NES: variants seen among roughly 807,000 people sequenced by gnomAD.
NES encodes nestin.
Under a neutral mutation model 35.6 loss-of-function variants are expected in NES, and 27 were observed. The observed-to-expected ratio is 0.76, with a 90% CI of 0.56 to 1.04. The LOEUF is 1.04. Ranked by LOEUF, NES falls within the 50% of genes least tolerant of loss-of-function variation. The probability of loss-of-function intolerance (pLI) is 0.00; values close to 1 mark genes in which losing one functional copy is unlikely to be tolerated. For synonymous variants in NES, 822 were observed against 824.2 expected, an observed-to-expected ratio of 1.00 and a Z score of 0.04; for missense variants, 1,867 against 1,983.6, an observed-to-expected ratio of 0.94 and a Z score of 1.12.
rs1679728919 is a variant in NES, at chr1:156,671,411, C to T, written c.2777G>A (p.Gly926Glu). Residue 926 changes from glycine (G) to glutamate (E), a missense_variant, in exon 4 of 4, where the codon GGA becomes GAA. Coordinates refer to ENST00000368223, the MANE Select transcript of NES (RefSeq NM_006617.2). ...AGACCTCAGTGACTCTTGGTACTCT[C>T]CCTTTCCCAGGTTCTCTTCCTCTTC... Reference protein sequence around the residue: ...NLEEEENLGKGEYQESLRSLE... With the variant: ...NLEEEENLGKEEYQESLRSLE... The T allele has an allele frequency of 1.2e-6, 2 of 1,614,044 alleles. No homozygotes were observed. Among genetic ancestry groups the T allele is most frequent in the Non-Finnish European group, 1.7e-6 (2 of 1,180,042 alleles).
chr1:156,675,403 C>T lies in NES; in HGVS notation c.784-63G>A, dbSNP rs565579729. The T allele has an allele frequency of 1.5e-5, 23 of 1,520,942 alleles. No individual in the cohort carries two copies. In the African/African-American group the frequency reaches 2.8e-4, roughly 18 times the overall value. The allele number at this position is 1,520,942 out of a possible 1,614,324, so 94.2% of individuals were successfully genotyped here. On this transcript the variant is annotated intron_variant, in intron 1 of 3. Transcript: ENST00000368223. ...GGGTCCCTTCTGTGAACCAACCTGC[C>T]TCCTGCCCGCTGCCGCTGCCCGGGA...
rs1435634786 is a variant in NES at position 156,670,601 on chromosome 1, C to T, written c.3587G>A (p.Gly1196Glu). The T allele has an allele frequency of 1.9e-6, 3 of 1,613,674 alleles. No homozygotes were observed. In the African/African-American group the frequency reaches 4.0e-5, roughly 22 times the overall value. Residue 1196 changes from glycine to glutamate, a missense_variant, in exon 4 of 4, where the codon GGA becomes GAA. Transcript: ENST00000368223. ...AGGCCAAGGTGAAGGGGCATCACTT[C>T]CAGTGTGGCCCAGGGTCTCAGCAGG... is the stretch of plus-strand genomic sequence containing the variant. ...AFPAETLGHT[G>E]SDAPSPWPLG...
chr1:156,670,859 T>TCCGCC lies in NES; in HGVS notation c.3328_3329insGGCGG (p.Asp1110GlyfsTer7). ...CTCTTCCCTGGTCAGATGGCCTGGG[T>TCCGCC]CCCCCAGCCCTCCCACCCCCTGCCC... On this transcript the variant is annotated frameshift_variant, in exon 4 of 4. Coordinates refer to ENST00000368223, the MANE Select transcript of NES (RefSeq NM_006617.2). LOFTEE classifies it low-confidence loss of function (END_TRUNC). 1.1e-5 allele frequency: 18 copies of TCCGCC among 1,609,262 alleles called. No homozygotes were observed. Among genetic ancestry groups the TCCGCC allele is most frequent in the Non-Finnish European group, 1.4e-5 (16 of 1,176,870 alleles).
rs1647315232 is a variant in NES, at chr1:156,676,929, G to T, written c.336C>A (p.Asn112Lys). 1.3e-6 allele frequency: 2 copies of T among 1,552,366 alleles called. No individual in the cohort carries two copies. Among genetic ancestry groups the T allele is most frequent in the Non-Finnish European group, 1.7e-6 (2 of 1,157,968 alleles). The change falls in exon 1 of 4, where the codon AAC (asparagine) becomes AAA (lysine). Residue 112 changes from asparagine (N) to lysine (K), a missense_variant. By Grantham distance (94) the Asn-to-Lys change is moderately conservative. Coordinates refer to ENST00000368223, the MANE Select transcript of NES (RefSeq NM_006617.2). This position sits in a 1 kb window ranked among gnomAD's most constrained non-coding sequence, Gnocchi z 5.3. Reference sequence around the variant, plus strand: ...ATTTCTCTGCCTCGACGGCGCGCCGGTTGCGGGCTACCTCCTCCGTCGTCC... The same window carrying T: ...ATTTCTCTGCCTCGACGGCGCGCCGTTTGCGGGCTACCTCCTCCGTCGTCC... Reference protein sequence around the residue: ...RERTTEEVARNRRAVEAEKCA... With the variant: ...RERTTEEVARKRRAVEAEKCA...
rs201126519 is a variant in NES at position 156,670,818 on chromosome 1, G to C, written c.3370C>G (p.Leu1124Val). 699 of 1,612,868 alleles carry C rather than the reference G, an allele frequency of 4.3e-4. 1 individual carries two copies. The highest frequency in any genetic ancestry group is 5.5e-4 in the Non-Finnish European group (643 of 1,179,236). ...LTREEVMEPP[L>V]EEESLEAKRV... The stretch of plus-strand genomic sequence containing the variant: ...TTTGCCTCCAAACTCTCCTCTTCCA[G>C]GGGTGGTTCCATCACCTCTTCCCTG... Residue 1124 changes from leucine (L) to valine (V), a missense_variant, in exon 4 of 4, where the codon CTG becomes GTG. Coordinates refer to ENST00000368223, the MANE Select transcript of NES (RefSeq NM_006617.2).
At position 156,671,666 on chromosome 1, in the gene NES, T is replaced by A. The variant is rs751463811; in HGVS notation, c.2522A>T (p.Lys841Ile). Reference protein sequence around the residue: ...SAGQENLETLKSPETQAPLWT... With the variant: ...SAGQENLETLISPETQAPLWT... Reference sequence around the variant, plus strand: ...CAGTGGTGCTTGAGTTTCTGGAGATTTCAGTGTTTCCAGGTTCTCTTGTCC... The same window carrying A: ...CAGTGGTGCTTGAGTTTCTGGAGATATCAGTGTTTCCAGGTTCTCTTGTCC... Residue 841 changes from lysine (K) to isoleucine (I), a missense_variant, in exon 4 of 4, where the codon AAA becomes ATA. Coordinates refer to ENST00000368223, the MANE Select transcript of NES (RefSeq NM_006617.2). 3 of 1,613,554 alleles carry A rather than the reference T, an allele frequency of 1.9e-6. No individual in the cohort carries two copies. The highest frequency in any genetic ancestry group is 2.7e-5 in the African/African-American group (2 of 74,822).
chr1:156,669,020 T>A lies in NES; in HGVS notation c.*302A>T. On this transcript the variant is annotated 3_prime_UTR_variant, in exon 4 of 4. Transcript: ENST00000368223. ...CTCTGGGCCACAGGCCTTTTCCAGC[T>A]GACGGGATGCGGAGGGAAGGGGACC... 3.7e-6 allele frequency: 1 copy of A among 266,964 alleles called. No homozygotes were observed. The highest frequency in any genetic ancestry group is 7.1e-6 in the Non-Finnish European group (1 of 141,364). 16.5% of individuals were successfully genotyped at this position (266,964 alleles called of 1,614,324 possible).
Position 156,669,616 on chromosome 1 carries a change from C to T in NES, c.4572G>A (p.Glu1524=). 1 of 1,614,146 alleles carries T rather than the reference C, an allele frequency of 6.2e-7. No homozygotes were observed. Among genetic ancestry groups the T allele is most frequent in the East Asian group, 2.2e-5 (1 of 44,880 alleles). The change falls in exon 4 of 4, where the codon GAG becomes GAA. Residue 1524 remains glutamate, a synonymous_variant. Transcript: ENST00000368223. The part of the protein sequence containing the change: ...PGPLEIPSGM[E]DAGPGADIIG... ...TGATGTCTGCCCCTGGGCCTGCATC[C>T]TCCATCCCACTGGGGATCTCTAGAG...
In NES at chr1:156,672,514, C is replaced by T. The variant is rs898315790; in HGVS notation, c.1674G>A (p.Lys558=). 6.2e-6 allele frequency: 10 copies of T among 1,613,782 alleles called. No individual in the cohort carries two copies. Among genetic ancestry groups the T allele is most frequent in the Middle Eastern group, 1.7e-4 (1 of 6,060 alleles). ...TCTCATGGCTCTGGTTTTCCAGAGTCTTCAGTGACTCTTGAATCTCCTCTC... is the reference window on the plus strand; with the variant it reads ...TCTCATGGCTCTGGTTTTCCAGAGTTTTCAGTGACTCTTGAATCTCCTCTC... ...SLGEEIQESL[K]TLENQSHETL... The change falls in exon 4 of 4, where the codon AAG becomes AAA. Residue 558 remains lysine (K), a synonymous_variant. Transcript: ENST00000368223.
chr1:156,669,484 C>A lies in NES; in HGVS notation c.4704G>T (p.Pro1568=). The A allele has an allele frequency of 1.2e-6, 2 of 1,613,312 alleles. No individual in the cohort carries two copies. Among genetic ancestry groups the A allele is most frequent in the East Asian group, 2.2e-5 (1 of 44,830 alleles). The change falls in exon 4 of 4, where the codon CCG becomes CCT. Residue 1568 remains proline (P), a synonymous_variant. Coordinates refer to ENST00000368223, the MANE Select transcript of NES (RefSeq NM_006617.2). ...EQSEEVGQGM[P]LVSEGDRGSP... ...TCCCTCGGTCTCCCTCAGAGACTAG[C>A]GGCATTCCTTGCCCCACTTCCTCAG...
In NES at chr1:156,670,013, T is replaced by C. The variant is rs1342318388; in HGVS notation, c.4175A>G (p.Gln1392Arg). Residue 1392 changes from glutamine (Q) to arginine (R), a missense_variant, in exon 4 of 4, where the codon CAG (glutamine) becomes CGG (arginine). Physicochemically the swap from Gln to Arg is conservative, Grantham distance 43. Coordinates refer to ENST00000368223, the MANE Select transcript of NES (RefSeq NM_006617.2). ...VPGEVAEPLGQVPQLLLDPAA... is the reference protein window; with the variant it reads ...VPGEVAEPLGRVPQLLLDPAA... ...AGGATCCAGTAGCAGCTGGGGCACC[T>C]GGCCCAGAGGTTCTGCCACCTCCCC... The C allele has an allele frequency of 2.4e-5, 39 of 1,613,744 alleles. No individual in the cohort carries two copies. The highest frequency in any genetic ancestry group is 3.1e-5 in the Non-Finnish European group (36 of 1,179,984).
At chr1:156,674,918 T>G (rs1679810063) in intron 2 of NES, among the ~76,000 whole-genome samples, 1 of 152,216 alleles carries the variant, frequency 6.6e-6, no homozygotes, top group Non-Finnish European at 1.5e-5. Context: ...GGGAAGGGTC[T>G]GGATGCAGTT....
In NES at chr1:156,671,341, C is replaced by G; in HGVS notation, c.2847G>C (p.Gln949His). 6.2e-7 allele frequency: 1 copy of G among 1,614,154 alleles called. No homozygotes were observed. The highest frequency in any genetic ancestry group is 8.5e-7 in the Non-Finnish European group (1 of 1,180,042). ...GQELPQSADV[Q>H]RWEDTVEKDQ... ...CCTTCTCCACCGTATCTTCCCACCT[C>G]TGCACATCTGCAGACTGCGGCAGCT... Residue 949 changes from glutamine to histidine, a missense_variant, in exon 4 of 4, where the codon CAG becomes CAC. Coordinates refer to ENST00000368223, the MANE Select transcript of NES (RefSeq NM_006617.2).
Position 156,675,565 on chromosome 1 carries a change from A to C in NES, c.784-225T>G, listed in dbSNP as rs557215644. ...CTGTCAGCACTCTCAGCTCTCTCCC[A>C]TGGCCTGCTCCTCCTCTGAGGATGC... On this transcript the variant is annotated intron_variant, in intron 1 of 3. Transcript: ENST00000368223. Among the ~76,000 whole-genome samples, 322 of 152,140 alleles carry C rather than the reference A, an allele frequency of 2.1e-3. 1 individual carries two copies. The highest frequency in any genetic ancestry group is 3.2e-3 in the Non-Finnish European group (220 of 67,972).
Position 156,672,821 on chromosome 1 carries a change from G to A in NES, c.1367C>T (p.Thr456Ile), listed in dbSNP as rs1194651692. ...GGCATGGTCCTCTGGGGACTGGCCT[G>A]TACTGGCCTCTTGCCGCTGGCCCCC... ...EPGGQRQEAS[T>I]GQSPEDHASL... The change falls in exon 4 of 4, where the codon ACA becomes ATA. Residue 456 changes from threonine (T) to isoleucine (I), a missense_variant. By Grantham distance (89) the Thr-to-Ile change is moderately conservative (BLOSUM62 -1). Transcript: ENST00000368223. 1.9e-6 allele frequency: 3 copies of A among 1,613,708 alleles called. No individual in the cohort carries two copies. Among genetic ancestry groups the A allele is most frequent in the Non-Finnish European group, 2.5e-6 (3 of 1,180,048 alleles).
chr1:156,676,931 T>G lies in NES; in HGVS notation c.334A>C (p.Asn112His). 6.4e-7 allele frequency: 1 copy of G among 1,552,602 alleles called. No homozygotes were observed. Among genetic ancestry groups the G allele is most frequent in the Admixed American group, 1.9e-5 (1 of 53,506 alleles). ...TTCTCTGCCTCGACGGCGCGCCGGT[T>G]GCGGGCTACCTCCTCCGTCGTCCGC... ...RERTTEEVAR[N>H]RRAVEAEKCA... Residue 112 changes from asparagine to histidine, a missense_variant, in exon 1 of 4, where the codon AAC becomes CAC. Physicochemically the swap from Asn to His is moderately conservative, Grantham distance 68. Coordinates refer to ENST00000368223, the MANE Select transcript of NES (RefSeq NM_006617.2). This position sits in a 1 kb window ranked among gnomAD's most constrained non-coding sequence, Gnocchi z 5.3.
rs768263577 is a variant in NES at position 156,671,076 on chromosome 1, G to A, written c.3112C>T (p.Leu1038Phe). The A allele has an allele frequency of 1.2e-6, 2 of 1,613,782 alleles. No homozygotes were observed. The highest frequency in any genetic ancestry group is 2.7e-5 in the African/African-American group (2 of 74,906). ...TGTGATTGCCCTTCAGGGTCCTGGA[G>A]GCCCTCAGCCCCTCCCTTCACACTG... ...GASVKGGAEGLQDPEGQSQQV... is the reference protein window; with the variant it reads ...GASVKGGAEGFQDPEGQSQQV... Residue 1038 changes from leucine (L) to phenylalanine (F), a missense_variant, in exon 4 of 4, where the codon CTC (leucine) becomes TTC (phenylalanine). Transcript: ENST00000368223.
Position 156,668,985 on chromosome 1 carries a change from T to C in NES, c.*337A>G, listed in dbSNP as rs1189866104. The stretch of plus-strand genomic sequence containing the variant: ...CAAAAGCCAGCATGTCACCCTCCCT[T>C]TGGAGAAGCCTCTGGGCCACAGGCC... On this transcript the variant is annotated 3_prime_UTR_variant, in exon 4 of 4. Coordinates refer to ENST00000368223, the MANE Select transcript of NES (RefSeq NM_006617.2). The C allele has an allele frequency of 1.4e-5, 3 of 215,298 alleles. No homozygotes were observed. Among genetic ancestry groups the C allele is most frequent in the Non-Finnish European group, 2.8e-5 (3 of 109,054 alleles). The allele number at this position is 215,298 out of a possible 1,614,324, so 13.3% of individuals were successfully genotyped here.
At position 156,671,457 on chromosome 1, in the gene NES, T is replaced by A; in HGVS notation, c.2731A>T (p.Lys911Ter). The part of the protein sequence containing the change: ...ENLRSPEEVD[K>*]ESQRNLEEEE... ...TCTTCCAGATTCCTTTGACTTTCCTTGTCTACCTCCTCTGGAGATCTCAAA... is the reference window on the plus strand; with the variant it reads ...TCTTCCAGATTCCTTTGACTTTCCTAGTCTACCTCCTCTGGAGATCTCAAA... The change falls in exon 4 of 4, where the codon AAG (lysine) becomes TAG (stop). Residue 911 changes from lysine (K) to a stop codon, truncating the protein, a stop_gained. Coordinates refer to ENST00000368223, the MANE Select transcript of NES (RefSeq NM_006617.2). LOFTEE classifies it low-confidence loss of function (END_TRUNC). 1 of 1,614,020 alleles carries A rather than the reference T, an allele frequency of 6.2e-7. No individual in the cohort carries two copies. The highest frequency in any genetic ancestry group is 8.5e-7 in the Non-Finnish European group (1 of 1,180,034).
Sources: allele counts gnomAD v4.1 joint callset (sites outside exome capture counted in the v4.1 genomes callset), GRCh38; gene constraint gnomAD v4.1.1; non-coding constraint Gnocchi (gnomAD v3.1); transcripts MANE v1.5; gene names NCBI Gene and HGNC (gene_info 2026-07-23, HGNC 2026-07-21).